Variants in SORBS2 observed in about 807,000 individuals in gnomAD.
SORBS2 encodes the protein sorbin and SH3 domain containing 2.
Under a neutral mutation model 97.7 loss-of-function variants are expected in SORBS2, and 46 were observed. The observed-to-expected ratio is 0.47, with a 90% CI of 0.37 to 0.60. SORBS2 has a LOEUF of 0.60. Ranked by LOEUF, SORBS2 falls within the 20% of genes least tolerant of loss-of-function variation. The pLI is 0.00. For synonymous variants in SORBS2, 476 were observed against 473.4 expected (o/e 1.01, Z -0.07); for missense variants, 1,316 against 1,282.3 (o/e 1.03, Z -0.40).
chr4:185,871,209 AAGTT>A lies in SORBS2; in HGVS notation c.-338+84983_-338+84986del, dbSNP rs757715825. On this transcript the variant is annotated intron_variant, in intron 1 of 20. Transcript: ENST00000284776. ...TTTGTTTTTTTTGTACCTTAACAAAAAGTTAGCCAGGTGAAATCCTTTTTCATTC... is the reference window on the plus strand; with the variant it reads ...TTTGTTTTTTTTGTACCTTAACAAAAAGCCAGGTGAAATCCTTTTTCATTC... 2.6e-5 allele frequency among the ~76,000 whole-genome samples: 4 copies of A among 152,326 alleles called. No homozygotes were observed. In the South Asian group the frequency reaches 8.3e-4, roughly 32 times the overall value.
chr4:185,832,239 A>G (rs535988180), intron 1 of SORBS2, among the ~76,000 whole-genome samples: 2 of 152,222 alleles, frequency 1.3e-5, no homozygotes, highest in Non-Finnish European at 1.5e-5. Context: ...TTAAGATTTA[A>G]AATCATCTAA....
chr4:185,599,244 C>T (rs1005237459), intron 12 of SORBS2, among the ~76,000 whole-genome samples: 2 of 152,152 alleles, frequency 1.3e-5, no homozygotes, highest in Non-Finnish European at 2.9e-5. Context: ...AGGTTGAATC[C>T]GGGTCCATTA....
rs73021814 is a variant in SORBS2 at position 185,909,351 on chromosome 4, G to A, written c.-338+46845C>T. ...AGCTAAATAATGTGTAAGCATAGAC[G>A]TAGAATGACAAGCATTGGAGACTCA... On this transcript the variant is annotated intron_variant, in intron 1 of 20. Transcript: ENST00000284776. Among the ~76,000 whole-genome samples the A allele has an allele frequency of 3.4e-3, 521 of 152,240 alleles. 5 individuals are homozygous for A. Among genetic ancestry groups the A allele is most frequent in the African/African-American group, 0.012 (507 of 41,548 alleles).
intron 1 of SORBS2, among the ~76,000 whole-genome samples, chr4:185,915,793 G>C (rs894002942): frequency 5.3e-5 from 8 of 152,074 alleles, no homozygotes; most frequent in African/African-American, 1.9e-4. Context: ...AAGTGCTCTG[G>C]ATTAAAGGAA....
At chr4:185,849,623 G>A (rs1056446130) in intron 1 of SORBS2, among the ~76,000 whole-genome samples, 29 of 152,210 alleles carry the variant, frequency 1.9e-4, no homozygotes, top group Admixed American at 5.9e-4. Context: ...CATAATCTTT[G>A]TGGCTTCACC....
chr4:185,650,155 G>A (rs1434119520), intron 2 of SORBS2, among the ~76,000 whole-genome samples: 1 of 152,106 alleles, frequency 6.6e-6, no homozygotes, highest in East Asian at 1.9e-4. Flanking sequence ...CAAGGTACAA[G>A]GAAACATGAG....
intron 2 of SORBS2, among the ~76,000 whole-genome samples, chr4:185,726,941 G>C (rs548908439): frequency 1.1e-3 from 164 of 152,178 alleles, no homozygotes; most frequent in African/African-American, 3.8e-3. Context: ...GGGTCCTGTG[G>C]GTAAAGTATT....
chr4:185,849,368 A>G (rs1477314183), intron 1 of SORBS2, among the ~76,000 whole-genome samples: 2 of 152,180 alleles, frequency 1.3e-5, no homozygotes, highest in African/African-American at 2.4e-5. Context: ...TCCTTAATGA[A>G]AAAAGTCTTT....
chr4:185,721,357 G>A (rs1174470266), intron 2 of SORBS2, among the ~76,000 whole-genome samples: 2 of 152,164 alleles, frequency 1.3e-5, no homozygotes, highest in African/African-American at 4.8e-5. Context: ...TTACAGGCGT[G>A]AGCCAGCATA....
At chr4:185,652,665 G>T in exon 2 of SORBS2, 2 of 1,613,546 alleles carry the variant, frequency 1.2e-6, no homozygotes, top group Non-Finnish European at 1.7e-6. Context: ...GACATACCCG[G>T]CTTGTGCACC....
At chr4:185,728,136 A>T (rs1389394112) in intron 2 of SORBS2, among the ~76,000 whole-genome samples, 4 of 152,100 alleles carry the variant, frequency 2.6e-5, no homozygotes, top group Non-Finnish European at 1.5e-5. Context: ...CCTGCCCAAG[A>T]ACTCGATTCA....
chr4:185,684,873 A>G lies in SORBS2; in HGVS notation c.-197-6051T>C, dbSNP rs998574216. The stretch of plus-strand genomic sequence containing the variant: ...TGGAAGCAAAAAAATGATATAGCAG[A>G]GGCCAAGGCAACGGGAAAAGCACGT... On this transcript the variant is annotated intron_variant, in intron 2 of 20. Transcript: ENST00000284776. This position sits in a 1 kb window ranked among gnomAD's most constrained non-coding sequence, Gnocchi z 4.2. The G allele has an allele frequency of 7.2e-6, 11 of 1,529,716 alleles. No individual in the cohort carries two copies. Among genetic ancestry groups the G allele is most frequent in the Non-Finnish European group, 8.0e-6 (9 of 1,127,310 alleles). The allele number at this position is 1,529,716 out of a possible 1,614,324, so 94.8% of individuals were successfully genotyped here.
chr4:185,937,198 A>C (rs1227569756), intron 1 of SORBS2, among the ~76,000 whole-genome samples: 5 of 151,212 alleles, frequency 3.3e-5, no homozygotes, highest in Non-Finnish European at 7.4e-5. Context: ...TGAGTGAGTG[A>C]GTGCTTCACG....
At chr4:185,635,405 T>C (rs1285566336) in intron 4 of SORBS2, 1 of 1,613,430 alleles carries the variant, frequency 6.2e-7, no homozygotes, top group Admixed American at 1.7e-5. Flanking sequence ...AGAGGCTTTT[T>C]AGGAGGCTGG....
intron 4 of SORBS2, chr4:185,677,176 G>C: frequency 2.6e-6 from 4 of 1,551,690 alleles, no homozygotes; most frequent in Non-Finnish European, 3.5e-6. Context: ...TCAGGCACTG[G>C]ATTAGGGGTC....
intron 2 of SORBS2, among the ~76,000 whole-genome samples, chr4:185,733,246 A>G (rs988228793): frequency 1.3e-5 from 2 of 152,246 alleles, no homozygotes; most frequent in Non-Finnish European, 1.5e-5. Context: ...AAGAGAGCTA[A>G]ATAAATTTGC....
intron 2 of SORBS2, among the ~76,000 whole-genome samples, chr4:185,698,150 C>A (rs977463668): frequency 5.3e-5 from 8 of 152,130 alleles, no homozygotes; most frequent in African/African-American, 1.9e-4. Flanking sequence ...TAATAGGCAT[C>A]CTCCTTTAAG....
At chr4:185,849,570 T>G (rs2099216625) in intron 1 of SORBS2, among the ~76,000 whole-genome samples, 2 of 152,084 alleles carry the variant, frequency 1.3e-5, no homozygotes, top group Non-Finnish European at 2.9e-5. Flanking sequence ...AAATTCTTGC[T>G]TCTGCCTAAA....
At chr4:185,652,109 AT>A (rs755150338) in intron 2 of SORBS2, among the ~76,000 whole-genome samples, 1 of 152,082 alleles carries the variant, frequency 6.6e-6, no homozygotes, top group Non-Finnish European at 1.5e-5. Context: ...AGTAGCTGGG[AT>A]TACAGGTGTG....
Sources: gnomAD v4.1 joint callset for allele counts (sites outside exome capture counted in the v4.1 genomes callset) on GRCh38, gnomAD v4.1.1 for gene constraint, Gnocchi (gnomAD v3.1) non-coding constraint, MANE v1.5 for transcripts, NCBI Gene and HGNC (gene_info 2026-07-23, HGNC 2026-07-21) for gene names.